Variants in PTPRM observed in about 807,000 individuals in gnomAD.
PTPRM encodes the protein receptor-type tyrosine-protein phosphatase mu.
A neutral mutation model predicts 186.7 loss-of-function variants in PTPRM; 47 were observed. The observed-to-expected ratio is 0.25, with a 90% confidence interval of 0.20 to 0.32. The LOEUF is 0.32. Ranked by LOEUF, PTPRM falls within the 10% of genes least tolerant of loss-of-function variation. The pLI, the probability that PTPRM is intolerant of heterozygous loss-of-function variation, is 1.00. For synonymous variants in PTPRM, 668 were observed against 674.9 expected, an observed-to-expected ratio of 0.99 and a Z score of 0.16; for missense variants, 1,494 against 1,865.0, an observed-to-expected ratio of 0.80 and a Z score of 3.66.
chr18:7,732,375 A>C (rs1256209782), intron 1 of PTPRM, among the ~76,000 whole-genome samples: 1 of 152,240 alleles, frequency 6.6e-6, no homozygotes, highest in Non-Finnish European at 1.5e-5. Flanking sequence ...AGTTATGAGA[A>C]TACCTATTGC....
intron 11 of PTPRM, among the ~76,000 whole-genome samples, chr18:8,095,761 C>A (rs1046410952): frequency 6.6e-6 from 1 of 151,802 alleles, no homozygotes; most frequent in Non-Finnish European, 1.5e-5. Flanking sequence ...TTAGAGAAAT[C>A]AAAAACACTT....
At chr18:7,771,574 T>C (rs1003370406) in intron 1 of PTPRM, among the ~76,000 whole-genome samples, 1 of 152,208 alleles carries the variant, frequency 6.6e-6, no homozygotes, top group Non-Finnish European at 1.5e-5. Context: ...TTGAGTTGTT[T>C]TGTTCTCAAT....
At chr18:7,578,332 ATTTTTTT>A (rs34096793) in intron 1 of PTPRM, among the ~76,000 whole-genome samples, 4 of 121,550 alleles carry the variant, frequency 3.3e-5, no homozygotes, top group African/African-American at 6.8e-5. Flanking sequence ...TGGCTAATTA[ATTTTTTT>A]TTTTTTTTTT....
chr18:8,392,269 T>G (rs1183434786), intron 31 of PTPRM, among the ~76,000 whole-genome samples: 1 of 152,150 alleles, frequency 6.6e-6, no homozygotes, highest in African/African-American at 2.4e-5. Context: ...TTTGATAATT[T>G]TAAAACAGTA....
rs1463751934 is a variant in PTPRM, at chr18:8,017,820, A to G, written c.1133-51866A>G. On this transcript the variant is annotated intron_variant, in intron 7 of 32. Coordinates refer to ENST00000580170, the MANE Select transcript of PTPRM (RefSeq NM_001105244.2). Reference sequence around the variant, plus strand: ...AACTTTGTAGCTCAAAGGTCTCTGCACTACATCCACCAAGCATTCATGGAA... The same window carrying G: ...AACTTTGTAGCTCAAAGGTCTCTGCGCTACATCCACCAAGCATTCATGGAA... 3 of 152,138 alleles carry G rather than the reference A, an allele frequency of 2.0e-5. No homozygotes were observed. The East Asian group carries it at 5.8e-4, about 29-fold the overall frequency. 9.4% of individuals were successfully genotyped at this position (152,138 alleles called of 1,614,324 possible).
intron 1 of PTPRM, among the ~76,000 whole-genome samples, chr18:7,676,680 T>C (rs1254478407): frequency 6.7e-6 from 1 of 148,170 alleles, no homozygotes; most frequent in Non-Finnish European, 1.5e-5. Context: ...TGTGTGTGTG[T>C]GTGTGTGTGC....
chr18:8,358,242 A>G (rs2095574793), intron 23 of PTPRM, among the ~76,000 whole-genome samples: 1 of 104,902 alleles, frequency 9.5e-6, no homozygotes, highest in African/African-American at 3.5e-5. Flanking sequence ...ATGTATGCAC[A>G]TGACACGCAC....
chr18:7,827,576 T>C (rs2045550577), intron 2 of PTPRM, among the ~76,000 whole-genome samples: 1 of 152,250 alleles, frequency 6.6e-6, no homozygotes, highest in African/African-American at 2.4e-5. Context: ...TGCATCTTTC[T>C]GTGAGAGCCT....
chr18:8,146,481 G>A (rs2092889494), intron 14 of PTPRM, among the ~76,000 whole-genome samples: 1 of 139,472 alleles, frequency 7.2e-6, no homozygotes, highest in African/African-American at 2.7e-5. Flanking sequence ...CATATCCTTT[G>A]CCCACTTTTT....
At chr18:7,933,627 A>G (rs1599591416) in intron 5 of PTPRM, among the ~76,000 whole-genome samples, 2 of 152,226 alleles carry the variant, frequency 1.3e-5, no homozygotes, top group Admixed American at 1.3e-4. Context: ...CAAAATGCTC[A>G]GTGAATACCT....
chr18:7,731,406 G>T (rs1446078), intron 1 of PTPRM, among the ~76,000 whole-genome samples: 56,887 of 152,024 alleles, frequency 0.37, 12,430 homozygotes, highest in East Asian at 0.83. Flanking sequence ...GGTTGGTATT[G>T]CAAGTATTAA....
chr18:8,284,494 T>C (rs2094935455), intron 19 of PTPRM, among the ~76,000 whole-genome samples: 1 of 152,152 alleles, frequency 6.6e-6, no homozygotes, highest in Admixed American at 6.5e-5. Context: ...CACTATACTG[T>C]GAAACATTAG....
intron 11 of PTPRM, among the ~76,000 whole-genome samples, chr18:8,111,477 G>GA (rs2091751581): frequency 6.6e-6 from 1 of 152,098 alleles, no homozygotes; most frequent in Admixed American, 6.5e-5. Flanking sequence ...GCCGGGTGTG[G>GA]TGGCGGGCGC....
intron 1 of PTPRM, among the ~76,000 whole-genome samples, chr18:7,645,117 ACT>A (rs2038531713): frequency 6.6e-6 from 1 of 152,098 alleles, no homozygotes; most frequent in Non-Finnish European, 1.5e-5. Flanking sequence ...TTTCCCTAAA[ACT>A]CTACAAAATT....
intron 1 of PTPRM, among the ~76,000 whole-genome samples, chr18:7,770,585 T>C (rs548940640): frequency 5.3e-5 from 8 of 152,330 alleles, no homozygotes; most frequent in African/African-American, 1.9e-4. Flanking sequence ...GTACATGTTA[T>C]CTCTGTTTTT....
chr18:8,100,039 T>G (rs1041806028), intron 11 of PTPRM, among the ~76,000 whole-genome samples: 1 of 152,120 alleles, frequency 6.6e-6, no homozygotes, highest in Non-Finnish European at 1.5e-5. Context: ...ATATTCCACT[T>G]AAGACCATGG....
intron 2 of PTPRM, among the ~76,000 whole-genome samples, chr18:7,857,918 C>G (rs757143363): frequency 4.6e-5 from 7 of 152,070 alleles, no homozygotes; most frequent in Non-Finnish European, 7.4e-5. Context: ...AAAAGTAAAG[C>G]AAAGTAGAGA....
At chr18:7,920,728 G>C (rs2050812645) in intron 4 of PTPRM, among the ~76,000 whole-genome samples, 1 of 152,092 alleles carries the variant, frequency 6.6e-6, no homozygotes. Flanking sequence ...TTGCACATTA[G>C]TGTTTTTTTC....
At chr18:8,313,957 C>T (rs1446641399) in intron 20 of PTPRM, among the ~76,000 whole-genome samples, 1 of 151,850 alleles carries the variant, frequency 6.6e-6, no homozygotes, top group Non-Finnish European at 1.5e-5. Flanking sequence ...TTGAAACCAG[C>T]GTGGGCAACA....
Sources: gnomAD v4.1 joint callset for allele counts (sites outside exome capture counted in the v4.1 genomes callset) on GRCh38, gnomAD v4.1.1 for gene constraint, MANE v1.5 for transcripts, NCBI Gene and HGNC (gene_info 2026-07-23, HGNC 2026-07-21) for gene names.